KCNIP4: variants seen among roughly 807,000 people sequenced by gnomAD.
The protein encoded by KCNIP4 is Kv channel-interacting protein 4.
Under a neutral mutation model 34.0 loss-of-function variants are expected in KCNIP4, and 12 were observed. The observed-to-expected ratio is 0.35, with a 90% confidence interval of 0.23 to 0.57. The LOEUF (loss-of-function observed/expected upper bound fraction) is 0.57, where lower values mean the gene tolerates loss of function less well. Ranked by LOEUF, KCNIP4 falls within the 20% of genes least tolerant of loss-of-function variation. The pLI is 0.83. For missense variants in KCNIP4, 238 were observed against 311.7 expected (o/e 0.76, Z 1.78); for synonymous variants, 124 against 102.2 (o/e 1.21, Z -1.29).
intron 1 of KCNIP4, among the ~76,000 whole-genome samples, chr4:21,147,089 CT>C (rs1004372150): frequency 1.3e-5 from 2 of 152,214 alleles, no homozygotes; most frequent in African/African-American, 4.8e-5. Context: ...CCTGTGTCCT[CT>C]GGCTTCCGGT....
chr4:21,349,078 G>A (rs1010216569), intron 1 of KCNIP4, among the ~76,000 whole-genome samples: 3 of 152,158 alleles, frequency 2.0e-5, no homozygotes, highest in Non-Finnish European at 4.4e-5. Context: ...TAGCTAGTCT[G>A]GCTAAGTTAG....
intron 1 of KCNIP4, among the ~76,000 whole-genome samples, chr4:21,938,702 A>T (rs908337240): frequency 6.6e-6 from 1 of 152,162 alleles, no homozygotes; most frequent in African/African-American, 2.4e-5. Context: ...TCCTTCATTA[A>T]GAACATACGA....
Position 20,729,860 on chromosome 4 carries a change from G to GAGTT in KCNIP4, c.*218_*221dup, listed in dbSNP as rs368828030. 958 of 435,582 alleles carry GAGTT rather than the reference G, an allele frequency of 2.2e-3. 4 individuals are homozygous for GAGTT. The highest frequency in any genetic ancestry group is 2.5e-3 in the Middle Eastern group (4 of 1,626). 27.0% of individuals were successfully genotyped at this position (435,582 alleles called of 1,614,324 possible). Reference sequence around the variant, plus strand: ...TTTGAATATTCACAGAGTATGAAATGAGTTAGACCATCCCCTGAACTCAGT... The same window carrying GAGTT: ...TTTGAATATTCACAGAGTATGAAATGAGTTAGTTAGACCATCCCCTGAACTCAGT... On this transcript the variant is annotated 3_prime_UTR_variant, in exon 9 of 9. Coordinates refer to ENST00000382152, the MANE Select transcript of KCNIP4 (RefSeq NM_025221.6).
chr4:21,327,527 T>C (rs1423740645), intron 1 of KCNIP4, among the ~76,000 whole-genome samples: 1 of 152,120 alleles, frequency 6.6e-6, no homozygotes, highest in East Asian at 1.9e-4. Flanking sequence ...TGAAGTAGTG[T>C]TATTTGAGGT....
Position 20,985,332 on chromosome 4 carries a change from A to G in KCNIP4, c.62-102623T>C, listed in dbSNP as rs75353924. 6.7e-3 allele frequency among the ~76,000 whole-genome samples: 1,025 copies of G among 152,300 alleles called. 12 individuals are homozygous for G. The highest frequency in any genetic ancestry group is 0.023 in the African/African-American group (947 of 41,560). On this transcript the variant is annotated intron_variant, in intron 1 of 8. Coordinates refer to ENST00000382152, the MANE Select transcript of KCNIP4 (RefSeq NM_025221.6). ...AAATGTGATCACAATAATAGTTAAC[A>G]TGTACTAAGCACTTACTATGTGCTC...
At chr4:21,606,304 A>G (rs4106119) in intron 1 of KCNIP4, among the ~76,000 whole-genome samples, 61,572 of 151,974 alleles carry the variant, frequency 0.41, 13,094 homozygotes, top group African/African-American at 0.55. Flanking sequence ...CCTTTTTAAC[A>G]TATCACTGAG....
At position 21,385,340 on chromosome 4, in the gene KCNIP4, G is replaced by A. The variant is rs1721923581; in HGVS notation, c.62-502631C>T. 2.6e-5 allele frequency among the ~76,000 whole-genome samples: 4 copies of A among 152,246 alleles called. No individual in the cohort carries two copies. In the South Asian group the frequency reaches 6.2e-4, roughly 24 times the overall value. ...AGGAGGTGGGATAAATGTTAACAGA[G>A]AATGCTCCACACAAGACTCTAAGGC... On this transcript the variant is annotated intron_variant, in intron 1 of 8. Transcript: ENST00000382152.
chr4:21,490,413 T>C (rs1052906976), intron 1 of KCNIP4, among the ~76,000 whole-genome samples: 1 of 152,084 alleles, frequency 6.6e-6, no homozygotes, highest in Non-Finnish European at 1.5e-5. Context: ...CATTGCATCC[T>C]CGACCCCAAG....
intron 1 of KCNIP4, among the ~76,000 whole-genome samples, chr4:21,896,553 C>T (rs1727398675): frequency 6.6e-6 from 1 of 152,050 alleles, no homozygotes; most frequent in South Asian, 2.1e-4. Flanking sequence ...TCTGTTGAGG[C>T]TATCATGAAA....
At chr4:21,029,131 C>G (rs1317058728) in intron 1 of KCNIP4, among the ~76,000 whole-genome samples, 1 of 152,138 alleles carries the variant, frequency 6.6e-6, no homozygotes, top group African/African-American at 2.4e-5. Context: ...GTAAATGCAG[C>G]CTTTCTAAGA....
chr4:21,157,339 T>C (rs1753213459), intron 1 of KCNIP4, among the ~76,000 whole-genome samples: 4 of 89,206 alleles, frequency 4.5e-5, no homozygotes, highest in Admixed American at 2.9e-4. Context: ...GCATTCAATG[T>C]ATTCTTTTTT....
chr4:21,235,110 T>C (rs553549419), intron 1 of KCNIP4, among the ~76,000 whole-genome samples: 1 of 152,298 alleles, frequency 6.6e-6, no homozygotes, highest in East Asian at 1.9e-4. Flanking sequence ...AATCCGTAAC[T>C]AAACATATTT....
At chr4:21,719,780 G>A (rs1222000355) in intron 1 of KCNIP4, among the ~76,000 whole-genome samples, 1 of 151,884 alleles carries the variant, frequency 6.6e-6, no homozygotes, top group East Asian at 1.9e-4. Context: ...TGGCCAATAT[G>A]GGGAAAACCC....
At chr4:20,919,699 T>C (rs1336311289) in intron 1 of KCNIP4, among the ~76,000 whole-genome samples, 1 of 118,768 alleles carries the variant, frequency 8.4e-6, no homozygotes, top group Non-Finnish European at 1.6e-5. Flanking sequence ...TGAGACTCCG[T>C]CTCAAAAAAA....
intron 1 of KCNIP4, among the ~76,000 whole-genome samples, chr4:21,379,070 AT>A (rs1046052208): frequency 1.3e-5 from 2 of 152,224 alleles, no homozygotes; most frequent in South Asian, 2.1e-4. Flanking sequence ...ATACTGTGAG[AT>A]TTTTTTCTTA....
chr4:21,625,268 C>T (rs1248418782), intron 1 of KCNIP4, among the ~76,000 whole-genome samples: 1 of 152,028 alleles, frequency 6.6e-6, no homozygotes, highest in East Asian at 1.9e-4. Flanking sequence ...GTATTTACCT[C>T]CATAGGGTAT....
chr4:21,732,356 C>A (rs1452835620), intron 1 of KCNIP4, among the ~76,000 whole-genome samples: 1 of 152,100 alleles, frequency 6.6e-6, no homozygotes, highest in African/African-American at 2.4e-5. Context: ...TCAAAGCATA[C>A]TAAGTGATTG....
intron 3 of KCNIP4, among the ~76,000 whole-genome samples, chr4:20,788,320 GAATA>G (rs1187888721): frequency 6.6e-6 from 1 of 152,118 alleles, no homozygotes; most frequent in African/African-American, 2.4e-5. Context: ...AAGTGCATTA[GAATA>G]AATATTTAAA....
chr4:21,460,945 G>A (rs28556276), intron 1 of KCNIP4, among the ~76,000 whole-genome samples: 3,354 of 152,116 alleles, frequency 0.022, 129 homozygotes, highest in East Asian at 0.12. Flanking sequence ...TTGATTGTCT[G>A]CAATAAGAGA....
Sources: gnomAD v4.1 joint callset for allele counts (sites outside exome capture counted in the v4.1 genomes callset) on GRCh38, gnomAD v4.1.1 for gene constraint, MANE v1.5 for transcripts, NCBI Gene and HGNC (gene_info 2026-07-23, HGNC 2026-07-21) for gene names.